XKR9: variants seen among roughly 807,000 people sequenced by gnomAD.
XKR9 encodes the protein XK related 9, also known as XK-related protein 9.
XKR9 carries 32 observed loss-of-function variants against 32.0 expected under a neutral mutation model. The observed-to-expected ratio is 1.00, with a 90% confidence interval of 0.76 to 1.34. The LOEUF is 1.34. Ranked by LOEUF, XKR9 falls within the 40% of genes most tolerant of loss-of-function variation. The probability of loss-of-function intolerance (pLI) is 0.00; values close to 1 mark genes in which losing one functional copy is unlikely to be tolerated. For synonymous variants in XKR9, 168 were observed against 143.4 expected (o/e 1.17, Z -1.22); for missense variants, 546 against 429.7 (o/e 1.27, Z -2.39).
the XKR9 span, among the ~76,000 whole-genome samples, chr8:71,027,790 G>A: frequency 1.5e-5 from 2 of 129,732 alleles, no homozygotes; most frequent in African/African-American, 2.8e-5. Context: ...GGGGGGGGGG[G>A]GTCTCACTCC....
At chr8:70,954,004 T>G in the XKR9 span, among the ~76,000 whole-genome samples, 1 of 152,058 alleles carries the variant, frequency 6.6e-6, no homozygotes, top group Non-Finnish European at 1.5e-5. Flanking sequence ...TCGTAGCAAC[T>G]GTTGTGGATG....
the XKR9 span, among the ~76,000 whole-genome samples, chr8:70,974,458 G>C: frequency 6.6e-6 from 1 of 152,030 alleles, no homozygotes; most frequent in Admixed American, 6.6e-5. Context: ...TGTTCTTATT[G>C]TTCAATTCCC....
Position 70,680,990 on chromosome 8 carries a change from T to G in XKR9, c.-69T>G. ...GCTATACCAAAGGGTATACTAATATTTGTTTGGCTTTTTTTCCCTTTTTGT... is the reference window on the plus strand; with the variant it reads ...GCTATACCAAAGGGTATACTAATATGTGTTTGGCTTTTTTTCCCTTTTTGT... On this transcript the variant is annotated 5_prime_UTR_variant, in exon 3 of 5. It adds an upstream start codon to the 5' untranslated region. Transcript: ENST00000408926. 1 of 1,462,236 alleles carries G rather than the reference T, an allele frequency of 6.8e-7. No individual in the cohort carries two copies. The highest frequency in any genetic ancestry group is 2.5e-4 in the Middle Eastern group (1 of 3,970). 90.6% of individuals were successfully genotyped at this position (1,462,236 alleles called of 1,614,324 possible). A position where few individuals can be genotyped will look rare whatever the true frequency, so the allele number is the denominator to read the frequency against.
At chr8:71,027,686 G>A in the XKR9 span, among the ~76,000 whole-genome samples, 1 of 148,934 alleles carries the variant, frequency 6.7e-6, no homozygotes, top group Non-Finnish European at 1.5e-5. Flanking sequence ...TGTTCCTTTT[G>A]TTCAAAATTG....
chr8:70,938,774 C>G, the XKR9 span, among the ~76,000 whole-genome samples: 1 of 152,034 alleles, frequency 6.6e-6, no homozygotes, highest in Non-Finnish European at 1.5e-5. Flanking sequence ...AGCTGGACAT[C>G]TTCTCCCCAT....
the XKR9 span, among the ~76,000 whole-genome samples, chr8:71,049,223 G>T: frequency 6.6e-6 from 1 of 152,168 alleles, no homozygotes; most frequent in Non-Finnish European, 1.5e-5. Flanking sequence ...AGTGAGGATT[G>T]ATGGTATAAC....
the XKR9 span, among the ~76,000 whole-genome samples, chr8:70,911,175 A>T: frequency 6.6e-6 from 1 of 152,276 alleles, no homozygotes; most frequent in South Asian, 2.1e-4. Flanking sequence ...TAACCAGGGG[A>T]TGGGAATCTT....
chr8:70,874,107 G>C, the XKR9 span, among the ~76,000 whole-genome samples: 3 of 152,122 alleles, frequency 2.0e-5, no homozygotes, highest in Admixed American at 6.6e-5. Context: ...AAGACATAAT[G>C]CTATTGCACA....
chr8:70,904,156 T>C, the XKR9 span, among the ~76,000 whole-genome samples: 2 of 152,210 alleles, frequency 1.3e-5, no homozygotes, highest in Non-Finnish European at 2.9e-5. Flanking sequence ...AGAGCTGAGT[T>C]CAATTCCTGG....
chr8:71,008,468 T>G, the XKR9 span, among the ~76,000 whole-genome samples: 1 of 152,196 alleles, frequency 6.6e-6, no homozygotes, highest in Non-Finnish European at 1.5e-5. Context: ...GTCTGTGCCT[T>G]TAATGCTGTG....
intron 3 of XKR9, among the ~76,000 whole-genome samples, chr8:70,690,359 C>G (rs141339359): frequency 3.9e-5 from 6 of 152,126 alleles, no homozygotes; most frequent in African/African-American, 1.4e-4. Flanking sequence ...GAGATAGAGT[C>G]TCACTCTGTT....
At chr8:70,828,392 G>A in the XKR9 span, among the ~76,000 whole-genome samples, 4 of 152,162 alleles carry the variant, frequency 2.6e-5, no homozygotes, top group African/African-American at 9.7e-5. Context: ...CCAAGGTTTA[G>A]GTGGGGGTAG....
At chr8:70,781,323 C>G (rs1437978055) in intron 2 of XKR9, among the ~76,000 whole-genome samples, 1 of 151,982 alleles carries the variant, frequency 6.6e-6, no homozygotes, top group African/African-American at 2.4e-5. Flanking sequence ...GGTTACTAGA[C>G]CCTCATCAAA....
intron 3 of XKR9, among the ~76,000 whole-genome samples, chr8:70,682,144 T>C (rs757330268): frequency 1.1e-4 from 16 of 152,090 alleles, no homozygotes; most frequent in Non-Finnish European, 2.1e-4. Flanking sequence ...TAGGAAAAGC[T>C]GGAAAAAAAG....
At chr8:70,785,860 G>A (rs1195156475) in intron 2 of XKR9, among the ~76,000 whole-genome samples, 1 of 149,524 alleles carries the variant, frequency 6.7e-6, no homozygotes, top group African/African-American at 2.5e-5. Flanking sequence ...TATGTCATTT[G>A]TCTCCCAGGC....
At chr8:70,783,162 G>A (rs1166389125) in intron 2 of XKR9, among the ~76,000 whole-genome samples, 1 of 151,398 alleles carries the variant, frequency 6.6e-6, no homozygotes, top group Non-Finnish European at 1.5e-5. Flanking sequence ...GTTTTACCTT[G>A]CATTTCCCTA....
intron 3 of XKR9, among the ~76,000 whole-genome samples, chr8:70,686,409 G>C (rs1164024280): frequency 4.2e-5 from 4 of 94,622 alleles, no homozygotes; most frequent in Non-Finnish European, 9.5e-5. Context: ...CACCGAGATA[G>C]CTAATATATA....
At chr8:70,834,837 G>C in the XKR9 span, among the ~76,000 whole-genome samples, 1 of 152,080 alleles carries the variant, frequency 6.6e-6, no homozygotes, top group African/African-American at 2.4e-5. Context: ...GTTTTGAGTA[G>C]CTAAGACTCA....
chr8:70,880,531 A>G, the XKR9 span, among the ~76,000 whole-genome samples: 5 of 152,300 alleles, frequency 3.3e-5, no homozygotes, highest in South Asian at 1.0e-3. Context: ...AATTGCTACA[A>G]AGAGAATAAA....
Sources: gnomAD v4.1 joint callset for allele counts (sites outside exome capture counted in the v4.1 genomes callset) on GRCh38, gnomAD v4.1.1 for gene constraint, MANE v1.5 for transcripts, NCBI Gene and HGNC (gene_info 2026-07-23, HGNC 2026-07-21) for gene names.